The following OPRM1 variants were observed in gnomAD, a reference collection of about 807,000 sequenced individuals.
The protein encoded by OPRM1 is mu-type opioid receptor.
Under a neutral mutation model 31.8 loss-of-function variants are expected in OPRM1, and 27 were observed. The observed-to-expected ratio is 0.85, with a 90% CI of 0.63 to 1.17. The LOEUF is 1.17. Ranked by LOEUF, OPRM1 falls within the 50% of genes most tolerant of loss-of-function variation. The pLI, the probability that OPRM1 is intolerant of heterozygous loss-of-function variation, is 0.00. For missense variants in OPRM1, 536 were observed against 511.1 expected (o/e 1.05, Z -0.47); for synonymous variants, 196 against 189.9 (o/e 1.03, Z -0.26).
At chr6:154,163,782 A>C (rs1171939033) in intron 3 of OPRM1, among the ~76,000 whole-genome samples, 1 of 152,230 alleles carries the variant, frequency 6.6e-6, no homozygotes, top group Non-Finnish European at 1.5e-5. Flanking sequence ...AATCCTTTCC[A>C]TTAAACAAAA....
intron 3 of OPRM1, among the ~76,000 whole-genome samples, chr6:154,180,289 C>A (rs1800721524): frequency 6.6e-6 from 1 of 151,248 alleles, no homozygotes; most frequent in Non-Finnish European, 1.5e-5. Context: ...GGGTCAGACT[C>A]CTAAACTTTC....
At chr6:154,080,920 C>A (rs1029512681) in intron 1 of OPRM1, among the ~76,000 whole-genome samples, 2 of 152,244 alleles carry the variant, frequency 1.3e-5, no homozygotes, top group Non-Finnish European at 1.5e-5. Flanking sequence ...TTCCCTCCTT[C>A]CAAAAAATAA....
At chr6:154,109,179 C>T (rs544762705) in intron 3 of OPRM1, among the ~76,000 whole-genome samples, 1 of 152,284 alleles carries the variant, frequency 6.6e-6, no homozygotes, top group Non-Finnish European at 1.5e-5. Flanking sequence ...AATAATTGCT[C>T]ATGATTACCC....
intron 1 of OPRM1, among the ~76,000 whole-genome samples, chr6:154,054,547 C>A (rs1368330325): frequency 6.6e-6 from 1 of 152,136 alleles, no homozygotes; most frequent in East Asian, 1.9e-4. Flanking sequence ...AAAACTGAGT[C>A]CTGTTTGTGA....
At position 154,110,690 on chromosome 6, in the gene OPRM1, C is replaced by A. The variant is rs1357277471; in HGVS notation, c.1165-7993C>A. On this transcript the variant is annotated intron_variant, in intron 3 of 3. Transcript: ENST00000330432. ...GATCACGAGGTCAGGAAATCGAGATCATCCTGGCTAACATGGTGAAACCCC... is the reference window on the plus strand; with the variant it reads ...GATCACGAGGTCAGGAAATCGAGATAATCCTGGCTAACATGGTGAAACCCC... 3.3e-5 allele frequency among the ~76,000 whole-genome samples: 5 copies of A among 152,024 alleles called. No individual in the cohort carries two copies. In the East Asian group the frequency reaches 9.7e-4, roughly 29 times the overall value.
At chr6:154,170,883 T>A (rs991487425) in intron 3 of OPRM1, among the ~76,000 whole-genome samples, 1 of 152,196 alleles carries the variant, frequency 6.6e-6, no homozygotes, top group African/African-American at 2.4e-5. Context: ...TATTGTTTAT[T>A]TTTTAAAGAC....
At position 154,119,290 on chromosome 6, in the gene OPRM1, C is replaced by T. The variant is rs1039874311; in HGVS notation, c.*569C>T. On this transcript the variant is annotated 3_prime_UTR_variant, in exon 4 of 4. Coordinates refer to ENST00000330432, the MANE Select transcript of OPRM1 (RefSeq NM_000914.5). Reference sequence around the variant, plus strand: ...GGTTTTGTATTGTTTAAAAAAATAACATCTCTTTCATCTAGCTCCATAATT... The same window carrying T: ...GGTTTTGTATTGTTTAAAAAAATAATATCTCTTTCATCTAGCTCCATAATT... The T allele has an allele frequency of 5.1e-6, 5 of 985,246 alleles. No individual in the cohort carries two copies. In the African/African-American group the frequency reaches 8.7e-5, roughly 17 times the overall value. 61.0% of individuals were successfully genotyped at this position (985,246 alleles called of 1,614,324 possible).
chr6:154,107,617 G>A (rs1418139809), intron 3 of OPRM1: 1 of 718,434 alleles, frequency 1.4e-6, no homozygotes, highest in East Asian at 2.7e-5. Context: ...GATTTTTAGA[G>A]CTGACTATGA....
At chr6:154,199,860 T>C (rs887478244) in intron 3 of OPRM1, 2 of 1,614,168 alleles carry the variant, frequency 1.2e-6, no homozygotes, top group Non-Finnish European at 8.5e-7. Context: ...ACAGCAAACG[T>C]TATTGGTTGT....
At position 154,126,883 on chromosome 6, in the gene OPRM1, G is replaced by A. The variant is rs1471283637; in HGVS notation, c.*8162G>A. 2.6e-5 allele frequency among the ~76,000 whole-genome samples: 4 copies of A among 152,044 alleles called. No individual in the cohort carries two copies. The highest frequency in any genetic ancestry group is 2.1e-4 in the South Asian group (1 of 4,812). On this transcript the variant is annotated 3_prime_UTR_variant, in exon 4 of 4. Coordinates refer to ENST00000330432, the MANE Select transcript of OPRM1 (RefSeq NM_000914.5). Reference sequence around the variant, plus strand: ...TTCCAGCACTTTGGGAGGCCGAGGCGGGCGGAACACAAGGTCAGGAGATCA... The same window carrying A: ...TTCCAGCACTTTGGGAGGCCGAGGCAGGCGGAACACAAGGTCAGGAGATCA...
intron 3 of OPRM1, among the ~76,000 whole-genome samples, chr6:154,152,368 G>GAAAGAAAGAAAGAAAGAAAGAAAGAA (rs1798554180): frequency 6.8e-6 from 1 of 146,682 alleles, no homozygotes; most frequent in African/African-American, 2.7e-5. Flanking sequence ...AAGAAAGAAA[G>GAAAGAAAGAAAGAAAGAAAGAAAGAA]AAAGAAAGAA....
intron 3 of OPRM1, among the ~76,000 whole-genome samples, chr6:154,227,575 G>A (rs1779359593): frequency 1.3e-5 from 2 of 152,004 alleles, no homozygotes; most frequent in South Asian, 2.1e-4. Flanking sequence ...AAAATTAGCC[G>A]AGCATGGCAG....
intron 3 of OPRM1, chr6:154,199,679 A>G (rs779459706): frequency 3.1e-6 from 5 of 1,606,286 alleles, no homozygotes; most frequent in Non-Finnish European, 4.3e-6. Flanking sequence ...TTTGTCCATG[A>G]TCTTTGATCC....
intron 3 of OPRM1, among the ~76,000 whole-genome samples, chr6:154,099,952 A>ATAT (rs1491101616): frequency 2.1e-5 from 3 of 140,386 alleles, no homozygotes; most frequent in East Asian, 2.0e-4. Context: ...ATATCATAAC[A>ATAT]TATATATTAT....
chr6:154,170,026 G>C (rs1487924801), intron 3 of OPRM1, among the ~76,000 whole-genome samples: 2 of 152,140 alleles, frequency 1.3e-5, no homozygotes, highest in African/African-American at 4.8e-5. Flanking sequence ...CAGCCTGTGG[G>C]AGCTAATATG....
At chr6:154,242,258 T>G (rs1367890725) in intron 3 of OPRM1, among the ~76,000 whole-genome samples, 1 of 152,174 alleles carries the variant, frequency 6.6e-6, no homozygotes, top group East Asian at 1.9e-4. Context: ...ATCGGAACCT[T>G]GGGGCCTTTC....
At chr6:154,141,698 A>C (rs1798216853) in intron 3 of OPRM1, among the ~76,000 whole-genome samples, 1 of 152,236 alleles carries the variant, frequency 6.6e-6, no homozygotes, top group South Asian at 2.1e-4. Flanking sequence ...CGAAGCGGGC[A>C]AAGGGCTTCC....
chr6:154,060,579 G>A (rs967472062), intron 1 of OPRM1, among the ~76,000 whole-genome samples: 4 of 152,136 alleles, frequency 2.6e-5, no homozygotes, highest in Non-Finnish European at 5.9e-5. Context: ...GAGACTTCCA[G>A]TAAATGAGAT....
At position 154,127,628 on chromosome 6, in the gene OPRM1, C is replaced by T. The variant is rs900126521; in HGVS notation, c.*8907C>T. Reference sequence around the variant, plus strand: ...GCCGGCTACAACCCTCCCCACCCCTCGCTTTCACTAAATAACAACTCTCTT... The same window carrying T: ...GCCGGCTACAACCCTCCCCACCCCTTGCTTTCACTAAATAACAACTCTCTT... On this transcript the variant is annotated 3_prime_UTR_variant, in exon 4 of 4. Transcript: ENST00000330432. 3.3e-5 allele frequency among the ~76,000 whole-genome samples: 5 copies of T among 152,176 alleles called. No homozygotes were observed. Among genetic ancestry groups the T allele is most frequent in the Non-Finnish European group, 7.3e-5 (5 of 68,034 alleles).
Sources: allele counts gnomAD v4.1 joint callset (sites outside exome capture counted in the v4.1 genomes callset), GRCh38; gene constraint gnomAD v4.1.1; transcripts MANE v1.5; gene names NCBI Gene and HGNC (gene_info 2026-07-23, HGNC 2026-07-21).